Variants in PTBP3 observed in about 807,000 individuals in gnomAD.
The protein encoded by PTBP3 is polypyrimidine tract-binding protein 3.
A neutral mutation model predicts 58.7 loss-of-function variants in PTBP3; 20 were observed. That is an observed-to-expected ratio of 0.34 (90% CI 0.24 to 0.50). The LOEUF is 0.50. Among genes scored for constraint, PTBP3 ranks in the 20% least tolerant of loss-of-function variants. PTBP3 has a pLI of 0.98. For synonymous variants in PTBP3, 185 were observed against 219.8 expected, an observed-to-expected ratio of 0.84 and a Z score of 1.40; for missense variants, 509 against 637.2, an observed-to-expected ratio of 0.80 and a Z score of 2.17.
At chr9:112,327,307 T>C (rs1830198472) in intron 1 of PTBP3, among the ~76,000 whole-genome samples, 1 of 152,102 alleles carries the variant, frequency 6.6e-6, no homozygotes, top group Non-Finnish European at 1.5e-5. Flanking sequence ...GGCTCACGCC[T>C]GTAATCCCAG....
At chr9:112,256,132 T>C (rs1316306627) in intron 5 of PTBP3, among the ~76,000 whole-genome samples, 10 of 151,022 alleles carry the variant, frequency 6.6e-5, no homozygotes, top group African/African-American at 2.4e-4. Flanking sequence ...TGCATGCCTG[T>C]AATCCCAGCT....
chr9:112,287,757 T>G (rs1490878822), intron 2 of PTBP3, among the ~76,000 whole-genome samples: 1 of 152,214 alleles, frequency 6.6e-6, no homozygotes, highest in Non-Finnish European at 1.5e-5. Context: ...TTCAGGTGTC[T>G]TATTTTTAAT....
At chr9:112,251,734 C>T (rs529616058) in intron 6 of PTBP3, among the ~76,000 whole-genome samples, 2 of 152,066 alleles carry the variant, frequency 1.3e-5, no homozygotes, top group South Asian at 2.1e-4. Flanking sequence ...GGCCACTTAA[C>T]GACTTTCACA....
chr9:112,293,940 A>G (rs1828555628), intron 2 of PTBP3, among the ~76,000 whole-genome samples: 1 of 152,210 alleles, frequency 6.6e-6, no homozygotes, highest in Non-Finnish European at 1.5e-5. Flanking sequence ...AATAAACTTA[A>G]ATCTGTATTT....
chr9:112,344,462 C>T, the PTBP3 span, among the ~76,000 whole-genome samples: 2 of 152,142 alleles, frequency 1.3e-5, no homozygotes, highest in Non-Finnish European at 2.9e-5. Flanking sequence ...CCACATAATT[C>T]CTTCCCTTTT....
intron 2 of PTBP3, among the ~76,000 whole-genome samples, chr9:112,288,560 A>G (rs1317154781): frequency 6.6e-6 from 1 of 152,128 alleles, no homozygotes; most frequent in African/African-American, 2.4e-5. Context: ...CAATAGCATT[A>G]CCTCAATTGT....
intron 1 of PTBP3, among the ~76,000 whole-genome samples, chr9:112,321,472 T>C (rs1829945591): frequency 6.9e-6 from 1 of 144,856 alleles, no homozygotes; most frequent in Non-Finnish European, 1.5e-5. Flanking sequence ...GAGGTTGCAG[T>C]AAGCCAAGAT....
At chr9:112,233,976 C>T (rs773534581) in intron 8 of PTBP3, among the ~76,000 whole-genome samples, 1 of 151,042 alleles carries the variant, frequency 6.6e-6, no homozygotes, top group East Asian at 1.9e-4. Context: ...GTTAAAATTC[C>T]CAGAATTCAA....
chr9:112,316,766 G>A (rs570954151), intron 1 of PTBP3, among the ~76,000 whole-genome samples: 75 of 151,658 alleles, frequency 4.9e-4, no homozygotes, highest in African/African-American at 1.8e-3. Context: ...AAGGTCAGGA[G>A]GTCAAGAGTG....
intron 3 of PTBP3, among the ~76,000 whole-genome samples, chr9:112,268,855 G>C (rs983085870): frequency 2.6e-5 from 4 of 151,812 alleles, no homozygotes; most frequent in African/African-American, 7.3e-5. Context: ...CATCACCATT[G>C]TAAACGGATG....
the PTBP3 span, among the ~76,000 whole-genome samples, chr9:112,339,058 G>A: frequency 6.6e-6 from 1 of 152,052 alleles, no homozygotes; most frequent in Non-Finnish European, 1.5e-5. Context: ...TAATGAAACA[G>A]CCTTTTTTAT....
chr9:112,276,024 T>C lies in PTBP3; in HGVS notation c.35-11A>G, dbSNP rs756254034. The C allele has an allele frequency of 1.9e-6, 3 of 1,604,374 alleles. No homozygotes were observed. Among genetic ancestry groups the C allele is most frequent in the East Asian group, 4.5e-5 (2 of 44,810 alleles). Reference sequence around the variant, plus strand: ...TGTCATTCCCATTAGCTAAAAAACATAAGATTCTTTTTTAAATTACTGCAA... The same window carrying C: ...TGTCATTCCCATTAGCTAAAAAACACAAGATTCTTTTTTAAATTACTGCAA... On this transcript the variant is annotated splice_polypyrimidine_tract_variant and intron_variant, in intron 2 of 13. Coordinates refer to ENST00000374257, the MANE Select transcript of PTBP3 (RefSeq NM_001163788.4).
chr9:112,224,451 C>G (rs768097036), intron 12 of PTBP3, among the ~76,000 whole-genome samples: 44 of 152,144 alleles, frequency 2.9e-4, no homozygotes, highest in Non-Finnish European at 5.4e-4. Context: ...CAAGAAAAAT[C>G]TTTCTATATT....
intron 3 of PTBP3, among the ~76,000 whole-genome samples, chr9:112,269,756 A>G (rs1827288423): frequency 1.3e-5 from 2 of 152,174 alleles, no homozygotes; most frequent in South Asian, 4.1e-4. Flanking sequence ...TCAGCCTCTG[A>G]AAAGCATCCT....
At chr9:112,373,834 TTTAACAAAAGAAG>T in the PTBP3 span, among the ~76,000 whole-genome samples, 1 of 152,248 alleles carries the variant, frequency 6.6e-6, no homozygotes, top group Admixed American at 6.5e-5. Context: ...CAAACATGTT[TTTAACAAAAGAAG>T]GAAATACTCA....
intron 6 of PTBP3, chr9:112,252,133 A>G (rs1836149206): frequency 6.6e-6 from 1 of 152,318 alleles, no homozygotes; most frequent in Non-Finnish European, 1.5e-5. Context: ...GACAACACGA[A>G]TTGATAGCAG....
intron 1 of PTBP3, among the ~76,000 whole-genome samples, chr9:112,327,272 T>C (rs1472153034): frequency 1.3e-5 from 2 of 151,044 alleles, no homozygotes; most frequent in African/African-American, 4.9e-5. Context: ...AATATAAAAA[T>C]TACATGAAGA....
chr9:112,319,886 C>T (rs1346785059), intron 1 of PTBP3, among the ~76,000 whole-genome samples: 8 of 152,098 alleles, frequency 5.3e-5, no homozygotes, highest in Non-Finnish European at 1.0e-4. Flanking sequence ...CATGGATAAA[C>T]CCGGAGGACA....
the PTBP3 span, among the ~76,000 whole-genome samples, chr9:112,348,827 C>G: frequency 8.3e-4 from 127 of 152,288 alleles, no homozygotes; most frequent in African/African-American, 2.8e-3. Context: ...TACCACCCCC[C>G]CTCCCAGATG....
Sources: gnomAD v4.1 joint callset for allele counts (sites outside exome capture counted in the v4.1 genomes callset) on GRCh38, gnomAD v4.1.1 for gene constraint, MANE v1.5 for transcripts, NCBI Gene and HGNC (gene_info 2026-07-23, HGNC 2026-07-21) for gene names.